Variants in SYT7 observed in about 807,000 individuals in gnomAD.
SYT7 encodes the protein synaptotagmin 7.
A neutral mutation model predicts 75.1 loss-of-function variants in SYT7; 29 were observed. The ratio of observed to expected loss-of-function variants is 0.39; its 90% CI spans 0.29 to 0.53. The LOEUF is 0.53. SYT7 is among the 20% of genes least tolerant of loss of function. SYT7 has a pLI of 0.77. For synonymous variants in SYT7, 376 were observed against 401.7 expected (o/e 0.94, Z 0.76); for missense variants, 693 against 953.2 (o/e 0.73, Z 3.59).
intron 1 of SYT7, among the ~76,000 whole-genome samples, chr11:61,574,346 GTC>G (rs1418429667): frequency 6.6e-6 from 1 of 152,202 alleles, no homozygotes; most frequent in Non-Finnish European, 1.5e-5. Context: ...AGCAGCAAGT[GTC>G]TCTGCCAGGA....
intron 5 of SYT7, among the ~76,000 whole-genome samples, chr11:61,545,226 G>C (rs1337613569): frequency 6.6e-6 from 1 of 152,242 alleles, no homozygotes; most frequent in African/African-American, 2.4e-5. Flanking sequence ...CATCAGCCAA[G>C]AGTGGGCCTG....
chr11:61,542,119 G>T lies in SYT7; in HGVS notation c.941+92C>A. On this transcript the variant is annotated intron_variant, in intron 6 of 12. Transcript: ENST00000539008. This position sits in a 1 kb window ranked among gnomAD's most constrained non-coding sequence, Gnocchi z 7.8. Reference sequence around the variant, plus strand: ...CTGCCAAGGGGATGGAGGGCCGGGAGGTACACACAACCAGCTGCTCCCAAG... The same window carrying T: ...CTGCCAAGGGGATGGAGGGCCGGGATGTACACACAACCAGCTGCTCCCAAG... 1 of 1,445,268 alleles carries T rather than the reference G, an allele frequency of 6.9e-7. No individual in the cohort carries two copies. The highest frequency in any genetic ancestry group is 9.1e-7 in the Non-Finnish European group (1 of 1,098,722). 89.5% of individuals were successfully genotyped at this position (1,445,268 alleles called of 1,614,324 possible).
chr11:61,577,659 G>A (rs567849608), intron 1 of SYT7, among the ~76,000 whole-genome samples: 1 of 152,220 alleles, frequency 6.6e-6, no homozygotes, highest in Admixed American at 6.5e-5. Context: ...CCCCTGCCCT[G>A]CATGCTCCCA....
chr11:61,532,137 CT>C (rs2062731970), intron 8 of SYT7, among the ~76,000 whole-genome samples: 1 of 152,096 alleles, frequency 6.6e-6, no homozygotes, highest in Non-Finnish European at 1.5e-5. Context: ...CTACTTCTTT[CT>C]CTCTACAGAA....
At chr11:61,543,340 C>T (rs1397647423) in intron 5 of SYT7, among the ~76,000 whole-genome samples, 2 of 152,236 alleles carry the variant, frequency 1.3e-5, no homozygotes, top group African/African-American at 4.8e-5. Context: ...ATCCCCTCAT[C>T]CGACACTTCA....
chr11:61,579,519 A>T lies in SYT7; in HGVS notation c.31+1271T>A, dbSNP rs557950556. On this transcript the variant is annotated intron_variant, in intron 1 of 12. Coordinates refer to ENST00000539008, the MANE Select transcript of SYT7 (RefSeq NM_001365809.2). ...GTGGGTCGTCCTCAATATCGACTGG[A>T]CTGAAAAGAATCGATGGGGGGTGGG... Among the ~76,000 whole-genome samples the T allele has an allele frequency of 2.6e-5, 4 of 152,006 alleles. No homozygotes were observed. The South Asian group carries it at 8.3e-4, about 31-fold the overall frequency.
At position 61,523,450 on chromosome 11, in the gene SYT7, C is replaced by T. The variant is rs1001340449; in HGVS notation, c.1757-176G>A. 2.0e-5 allele frequency among the ~76,000 whole-genome samples: 3 copies of T among 152,090 alleles called. No homozygotes were observed. Among genetic ancestry groups the T allele is most frequent in the African/African-American group, 7.2e-5 (3 of 41,416 alleles). On this transcript the variant is annotated intron_variant, in intron 11 of 12. Transcript: ENST00000539008. This position sits in a 1 kb window ranked among gnomAD's most constrained non-coding sequence, Gnocchi z 5.0. ...GGGAGAATCAGCAGATGGACCTTAG[C>T]GATCACCTGGGGCCCTCCTATTACT...
intron 9 of SYT7, among the ~76,000 whole-genome samples, chr11:61,525,317 G>A (rs1284239266): frequency 6.6e-6 from 1 of 152,162 alleles, no homozygotes; most frequent in Non-Finnish European, 1.5e-5. Flanking sequence ...TAAAAGCCGG[G>A]CACCCTACCT....
intron 2 of SYT7, among the ~76,000 whole-genome samples, chr11:61,555,493 T>A (rs2063473732): frequency 6.6e-6 from 1 of 152,096 alleles, no homozygotes; most frequent in African/African-American, 2.4e-5. Context: ...AGGGGATGAA[T>A]GTCCCTCCTG....
At chr11:61,536,164 G>A (rs2062864485) in intron 7 of SYT7, among the ~76,000 whole-genome samples, 1 of 152,156 alleles carries the variant, frequency 6.6e-6, no homozygotes, top group Non-Finnish European at 1.5e-5. Flanking sequence ...CACTCGGAAA[G>A]TCAGGCTGGG....
chr11:61,532,919 A>G (rs531023537), intron 8 of SYT7, 70 bp downstream of exon 8: 1 of 1,589,730 alleles, frequency 6.3e-7, no homozygotes, highest in Admixed American at 1.7e-5. Context: ...TCCCACACAC[A>G]TCCCTCTTCT....
Position 61,546,334 on chromosome 11 carries a change from G to C in SYT7, c.348-79C>G. On this transcript the variant is annotated intron_variant, in intron 4 of 12. Coordinates refer to ENST00000539008, the MANE Select transcript of SYT7 (RefSeq NM_001365809.2). This position sits in a 1 kb window ranked among gnomAD's most constrained non-coding sequence, Gnocchi z 7.6. ...GGGAGAGAGGGCAGGCCATACGTGG[G>C]GGTCGGGGGGTGGAAGAGGAAGAAA... The C allele has an allele frequency of 1.0e-5, 10 of 959,570 alleles. No homozygotes were observed. Among genetic ancestry groups the C allele is most frequent in the Non-Finnish European group, 1.5e-5 (10 of 681,306 alleles). The allele number at this position is 959,570 out of a possible 1,614,324, so 59.4% of individuals were successfully genotyped here. A position where few individuals can be genotyped will look rare whatever the true frequency, so the allele number is the denominator to read the frequency against.
chr11:61,541,093 C>G, intron 6 of SYT7: 2 of 985,508 alleles, frequency 2.0e-6, no homozygotes, highest in Non-Finnish European at 1.2e-6. Flanking sequence ...GGGCAGTGCT[C>G]CCATCTGCCC....
chr11:61,541,922 G>GT (rs1362363732), intron 6 of SYT7, among the ~76,000 whole-genome samples: 4 of 152,160 alleles, frequency 2.6e-5, no homozygotes, highest in African/African-American at 9.7e-5. Context: ...GAGAAGAGAT[G>GT]TATCTCAGGG....
upstream of SYT7, among the ~76,000 whole-genome samples, chr11:61,581,610 T>A (rs2064277171): frequency 1.3e-5 from 2 of 152,258 alleles, no homozygotes; most frequent in African/African-American, 4.8e-5. Flanking sequence ...TTGGCAGCGC[T>A]GAGCCTGGGT....
At chr11:61,534,454 C>T (rs982050680) in intron 7 of SYT7, among the ~76,000 whole-genome samples, 1 of 152,008 alleles carries the variant, frequency 6.6e-6, no homozygotes, top group African/African-American at 2.4e-5. Flanking sequence ...CGCACACACG[C>T]ACGTGCGTGC....
chr11:61,529,568 T>C (rs1320239463), intron 8 of SYT7, among the ~76,000 whole-genome samples: 2 of 152,160 alleles, frequency 1.3e-5, no homozygotes, highest in African/African-American at 4.8e-5. Flanking sequence ...ACACTGAGGT[T>C]TCCCCTCAAG....
rs185610398 is a variant in SYT7, at chr11:61,536,685, T to C, written c.1064+1459A>G. Among the ~76,000 whole-genome samples, 7 of 152,320 alleles carry C rather than the reference T, an allele frequency of 4.6e-5. 1 individual carries two copies. Among genetic ancestry groups the C allele is most frequent in the African/African-American group, 1.7e-4 (7 of 41,572 alleles). ...CCCACTCTCTGGGGACTTTCAGCCT[T>C]GCCCACCACAGACCATGCAACTGTG... On this transcript the variant is annotated intron_variant, in intron 7 of 12. Transcript: ENST00000539008.
chr11:61,543,535 C>T (rs1185194772), intron 5 of SYT7, among the ~76,000 whole-genome samples: 1 of 152,216 alleles, frequency 6.6e-6, no homozygotes, highest in Non-Finnish European at 1.5e-5. Flanking sequence ...CCCACCTCTG[C>T]CACTTACTAA....
Sources: allele counts gnomAD v4.1 joint callset (sites outside exome capture counted in the v4.1 genomes callset), GRCh38; gene constraint gnomAD v4.1.1; non-coding constraint Gnocchi (gnomAD v3.1); transcripts MANE v1.5; gene names NCBI Gene and HGNC (gene_info 2026-07-23, HGNC 2026-07-21).